The following CBL variants were observed in gnomAD, a reference collection of about 807,000 sequenced individuals.
CBL encodes the protein Cbl proto-oncogene.
A neutral mutation model predicts 96.9 loss-of-function variants in CBL; 45 were observed. The ratio of observed to expected loss-of-function variants is 0.46; its 90% CI spans 0.37 to 0.60. The LOEUF is 0.60. Ranked by LOEUF, CBL falls within the 20% of genes least tolerant of loss-of-function variation. The pLI is 0.00. For synonymous variants in CBL, 420 were observed against 426.8 expected, an observed-to-expected ratio of 0.98 and a Z score of 0.20; for missense variants, 1,024 against 1,143.5, an observed-to-expected ratio of 0.90 and a Z score of 1.51.
chr11:119,283,886 C>T (rs1949959564), intron 9 of CBL, among the ~76,000 whole-genome samples: 1 of 151,990 alleles, frequency 6.6e-6, no homozygotes, highest in South Asian at 2.1e-4. Flanking sequence ...ATCCACCCGC[C>T]TCAGCCTCCC....
chr11:119,207,485 G>C (rs1327686427), intron 1 of CBL, among the ~76,000 whole-genome samples: 1 of 152,180 alleles, frequency 6.6e-6, no homozygotes, highest in Non-Finnish European at 1.5e-5. Flanking sequence ...CTTGTTCGTT[G>C]AGCTTCTTTG....
chr11:119,235,824 AT>A (rs1373173480), intron 2 of CBL, among the ~76,000 whole-genome samples: 1 of 152,130 alleles, frequency 6.6e-6, no homozygotes, highest in African/African-American at 2.4e-5. Context: ...GTCTGTATCA[AT>A]TTTATTCCCC....
At position 119,303,994 on chromosome 11, in the gene CBL, G is replaced by A. The variant is rs1950118503; in HGVS notation, c.*4213G>A. 2 of 233,702 alleles carry A rather than the reference G, an allele frequency of 8.6e-6. No homozygotes were observed. Among genetic ancestry groups the A allele is most frequent in the Non-Finnish European group, 1.7e-5 (2 of 118,064 alleles). The allele number at this position is 233,702 out of a possible 1,614,324, so 14.5% of individuals were successfully genotyped here. On this transcript the variant is annotated 3_prime_UTR_variant, in exon 16 of 16. Transcript: ENST00000264033. ...ACTATGTTTTAGAAGGGCTGGAGGT[G>A]TGGGCCCTGTCTTCGGGTCTCAGGA...
intron 12 of CBL, among the ~76,000 whole-genome samples, chr11:119,292,154 T>G (rs1240783871): frequency 1.3e-5 from 2 of 152,008 alleles, no homozygotes; most frequent in African/African-American, 4.8e-5. Flanking sequence ...CACCCTGGCC[T>G]CCTTTTCTTT....
Position 119,302,536 on chromosome 11 carries a change from T to A in CBL, c.*2755T>A, listed in dbSNP as rs1950108533. 4.3e-6 allele frequency: 1 copy of A among 232,208 alleles called. No homozygotes were observed. The highest frequency in any genetic ancestry group is 1.8e-4 in the South Asian group (1 of 5,522). 14.4% of individuals were successfully genotyped at this position (232,208 alleles called of 1,614,324 possible). ...TGTCCCTTCCTAGTGGCTAATAAAG[T>A]AAAAAAACCCACACTACTTTGTTCT... On this transcript the variant is annotated 3_prime_UTR_variant, in exon 16 of 16. Coordinates refer to ENST00000264033, the MANE Select transcript of CBL (RefSeq NM_005188.4).
intron 2 of CBL, among the ~76,000 whole-genome samples, chr11:119,262,946 A>G (rs778855280): frequency 2.0e-5 from 3 of 152,230 alleles, no homozygotes; most frequent in Non-Finnish European, 2.9e-5. Flanking sequence ...TCATAGACCT[A>G]TGCTGCCCCT....
chr11:119,227,614 G>C, intron 1 of CBL, among the ~76,000 whole-genome samples: 1 of 150,882 alleles, frequency 6.6e-6, no homozygotes, highest in East Asian at 1.9e-4. Flanking sequence ...GCAATGGTGC[G>C]ATCTTGGCTC....
intron 2 of CBL, among the ~76,000 whole-genome samples, chr11:119,252,543 A>G (rs1270847876): frequency 1.3e-5 from 2 of 152,194 alleles, no homozygotes; most frequent in African/African-American, 4.8e-5. Flanking sequence ...GTATGACTAA[A>G]TATTAGATAC....
intron 9 of CBL, among the ~76,000 whole-genome samples, chr11:119,280,089 A>C (rs969652907): frequency 3.9e-5 from 6 of 152,260 alleles, no homozygotes; most frequent in Non-Finnish European, 8.8e-5. Context: ...CAGAAAAAAA[A>C]CCAGCCTCAT....
chr11:119,255,635 T>C (rs1949705657), intron 2 of CBL, among the ~76,000 whole-genome samples: 1 of 152,138 alleles, frequency 6.6e-6, no homozygotes, highest in African/African-American at 2.4e-5. Flanking sequence ...CATATAAATT[T>C]TTTCATGGTC....
At chr11:119,276,669 T>TA (rs1379879748) in intron 6 of CBL, among the ~76,000 whole-genome samples, 3 of 152,244 alleles carry the variant, frequency 2.0e-5, no homozygotes, top group African/African-American at 7.2e-5. Flanking sequence ...GGTAAACACT[T>TA]AAAAATACTA....
intron 2 of CBL, among the ~76,000 whole-genome samples, chr11:119,261,414 ATAAT>A (rs1208862456): frequency 2.0e-5 from 3 of 152,198 alleles, no homozygotes; most frequent in Non-Finnish European, 4.4e-5. Flanking sequence ...CAGGAGTTAA[ATAAT>A]TAATGGTAAC....
In CBL at chr11:119,278,525, G is replaced by C. The variant is rs756530482; in HGVS notation, c.1243G>C (p.Gly415Arg). Residue 415 changes from glycine (G) to arginine (R), a missense_variant, in exon 9 of 16, where the codon GGC (glycine) becomes CGC (arginine). Physicochemically the swap from Gly to Arg is moderately radical, Grantham distance 125. Around this residue, in one of 4 missense-constraint regions of CBL, gnomAD observed 695 missense variants for 661.6 expected, o/e 1.05. Transcript: ENST00000264033. The part of the protein sequence containing the change: ...LTSWQESEGQ[G>R]CPFCRCEIKG... ...TCTTCTGCAGGAATCAGAAGGTCAG[G>C]GCTGTCCTTTCTGCCGATGTGAAAT... 6.2e-7 allele frequency: 1 copy of C among 1,613,896 alleles called. No homozygotes were observed. Among genetic ancestry groups the C allele is most frequent in the Non-Finnish European group, 8.5e-7 (1 of 1,179,864 alleles).
intron 1 of CBL, among the ~76,000 whole-genome samples, chr11:119,215,073 C>A (rs6589722): frequency 0.59 from 88,833 of 151,666 alleles, 26,833 homozygotes; most frequent in East Asian, 0.88. Flanking sequence ...AAAACATGAG[C>A]CGGTTGAGTA....
intron 12 of CBL, among the ~76,000 whole-genome samples, chr11:119,294,382 T>A (rs1950049484): frequency 6.7e-6 from 1 of 150,222 alleles, no homozygotes; most frequent in East Asian, 2.0e-4. Context: ...TGAGCCAAGA[T>A]CACGCCATTG....
intron 14 of CBL, among the ~76,000 whole-genome samples, chr11:119,298,147 A>C (rs991821116): frequency 2.0e-5 from 3 of 152,234 alleles, no homozygotes; most frequent in Admixed American, 1.3e-4. Context: ...AACCTTTGGC[A>C]TGTTCAAAAA....
chr11:119,212,424 A>G (rs1251073441), intron 1 of CBL, among the ~76,000 whole-genome samples: 5 of 148,118 alleles, frequency 3.4e-5, no homozygotes, highest in Middle Eastern at 3.9e-3. Flanking sequence ...TCAGGAGTTC[A>G]AGACCAGCCT....
At chr11:119,245,489 G>A (rs528946922) in intron 2 of CBL, among the ~76,000 whole-genome samples, 33 of 152,246 alleles carry the variant, frequency 2.2e-4, no homozygotes, top group African/African-American at 7.7e-4. Flanking sequence ...AGCACTTTGG[G>A]AGACCGAGGC....
At chr11:119,284,786 T>G (rs10450626) in intron 9 of CBL, among the ~76,000 whole-genome samples, 183 bp from the exon 10 acceptor site, 13 of 152,214 alleles carry the variant, frequency 8.5e-5, no homozygotes, top group African/African-American at 3.1e-4. Flanking sequence ...GACACAAAAA[T>G]TATTCAGGAA....
Sources: gnomAD v4.1 joint callset for allele counts (sites outside exome capture counted in the v4.1 genomes callset) on GRCh38, gnomAD v4.1.1 for gene constraint, gnomAD v4.1.1 regional missense constraint, MANE v1.5 for transcripts, NCBI Gene and HGNC (gene_info 2026-07-23, HGNC 2026-07-21) for gene names.